Variants in RIMS2 observed in about 807,000 individuals in gnomAD.
The protein encoded by RIMS2 is regulating synaptic membrane exocytosis protein 2.
In RIMS2, 59 loss-of-function variants were observed where a neutral mutation model predicts 174.4. The observed-to-expected ratio is 0.34, with a 90% CI of 0.27 to 0.42. The LOEUF is 0.42. Ranked by LOEUF, RIMS2 falls within the 10% of genes least tolerant of loss-of-function variation. The probability of loss-of-function intolerance (pLI) is 1.00; values close to 1 mark genes in which losing one functional copy is unlikely to be tolerated. For missense variants in RIMS2, 1,620 were observed against 1,666.3 expected (o/e 0.97, Z 0.48); for synonymous variants, 606 against 572.5 (o/e 1.06, Z -0.84).
exon 14 of RIMS2, chr8:103,942,789 A>G (rs1443604815): frequency 6.2e-7 from 1 of 1,611,926 alleles, no homozygotes; most frequent in African/African-American, 1.3e-5. Context: ...ATTGAATTAG[A>G]AACAGCATTA....
At chr8:103,819,344 A>G (rs1030134036) in intron 3 of RIMS2, 3 of 1,491,118 alleles carry the variant, frequency 2.0e-6, no homozygotes, top group African/African-American at 1.4e-5. Flanking sequence ...TAATGACTGT[A>G]CAATTAACTA....
chr8:103,522,976 G>A (rs1384272722), intron 1 of RIMS2, among the ~76,000 whole-genome samples: 1 of 152,012 alleles, frequency 6.6e-6, no homozygotes, highest in Admixed American at 6.6e-5. Flanking sequence ...GAAATGAAGG[G>A]GTACAATGAC....
chr8:104,078,246 T>C (rs564031535), intron 19 of RIMS2, among the ~76,000 whole-genome samples: 1 of 152,340 alleles, frequency 6.6e-6, no homozygotes, highest in African/African-American at 2.4e-5. Context: ...ATCTTCGATT[T>C]TAAAAGTTTC....
intron 19 of RIMS2, among the ~76,000 whole-genome samples, chr8:104,128,121 G>T (rs995988306): frequency 6.6e-6 from 1 of 152,170 alleles, no homozygotes; most frequent in African/African-American, 2.4e-5. Flanking sequence ...CTAATTAATT[G>T]TACCTAGGGA....
rs148052716 is a variant in RIMS2 at position 103,554,566 on chromosome 8, A to T, written c.176+53504A>T. Among the ~76,000 whole-genome samples the T allele has an allele frequency of 1.8e-4, 27 of 152,336 alleles. 1 individual carries two copies. The South Asian group carries it at 5.4e-3, about 30-fold the overall frequency. On this transcript the variant is annotated intron_variant, in intron 1 of 23. Transcript: ENST00000504942. ...CTGGTTAGGTTGTGTAGAAAAGGGA[A>T]CACTTATGCACTGTTGCTGGTCATG... is the stretch of plus-strand genomic sequence containing the variant.
chr8:103,939,707 A>G (rs762288982), intron 13 of RIMS2, among the ~76,000 whole-genome samples: 11 of 152,144 alleles, frequency 7.2e-5, no homozygotes, highest in Non-Finnish European at 1.5e-4. Flanking sequence ...TGCTTCCCTT[A>G]TAAAACTAAA....
intron 3 of RIMS2, among the ~76,000 whole-genome samples, chr8:103,817,195 A>G (rs2098723242): frequency 6.6e-6 from 1 of 152,150 alleles, no homozygotes; most frequent in Non-Finnish European, 1.5e-5. Flanking sequence ...GGTAAATGGA[A>G]GAAGCCCATT....
At chr8:103,615,975 T>G (rs1287487617) in intron 1 of RIMS2, among the ~76,000 whole-genome samples, 2 of 152,098 alleles carry the variant, frequency 1.3e-5, no homozygotes, top group Non-Finnish European at 2.9e-5. Context: ...CTACAGAAAC[T>G]ATTTGAAAAA....
intron 4 of RIMS2, among the ~76,000 whole-genome samples, chr8:103,908,490 G>A (rs2074986127): frequency 6.6e-6 from 1 of 152,032 alleles, no homozygotes; most frequent in African/African-American, 2.4e-5. Context: ...GAATCCTATA[G>A]TCAATGGCAT....
chr8:103,908,233 G>A (rs1425865240), intron 4 of RIMS2, among the ~76,000 whole-genome samples: 1 of 151,766 alleles, frequency 6.6e-6, no homozygotes, highest in African/African-American at 2.4e-5. Context: ...AGTAGAGATG[G>A]GACTTTACCA....
At chr8:104,180,557 C>A (rs1255470537) in intron 19 of RIMS2, among the ~76,000 whole-genome samples, 2 of 151,576 alleles carry the variant, frequency 1.3e-5, no homozygotes, top group African/African-American at 4.8e-5. Context: ...GGAGAAGAAG[C>A]AATTTTTTCC....
At chr8:103,698,970 T>G (rs550166079) in intron 2 of RIMS2, among the ~76,000 whole-genome samples, 3 of 152,146 alleles carry the variant, frequency 2.0e-5, no homozygotes, top group African/African-American at 7.2e-5. Context: ...AGTGAAGCCA[T>G]GTGGGCATGC....
chr8:104,075,151 T>C (rs1023231584), intron 19 of RIMS2, among the ~76,000 whole-genome samples: 2 of 152,190 alleles, frequency 1.3e-5, no homozygotes, highest in African/African-American at 4.8e-5. Context: ...GCTTTGTGCC[T>C]GCTACAGGAA....
intron 14 of RIMS2, 124 bp downstream of exon 16, chr8:103,943,050 C>A: frequency 1.4e-6 from 1 of 691,200 alleles, no homozygotes; most frequent in Non-Finnish European, 2.3e-6. Flanking sequence ...GTTTCCATAG[C>A]TATGAATTGT....
At chr8:103,803,776 G>T (rs1208168583) in intron 3 of RIMS2, among the ~76,000 whole-genome samples, 1 of 152,204 alleles carries the variant, frequency 6.6e-6, no homozygotes, top group African/African-American at 2.4e-5. Flanking sequence ...AGAGAGCCAT[G>T]TGTCAGGGAT....
chr8:104,042,997 C>T (rs568459579), intron 19 of RIMS2, among the ~76,000 whole-genome samples: 17 of 151,494 alleles, frequency 1.1e-4, no homozygotes, highest in South Asian at 2.1e-4. Context: ...TGATTAAAGA[C>T]GGATATTCAT....
intron 19 of RIMS2, among the ~76,000 whole-genome samples, chr8:104,168,748 A>G (rs1048997434): frequency 6.6e-6 from 1 of 152,050 alleles, no homozygotes; most frequent in Non-Finnish European, 1.5e-5. Context: ...AATGCTTTCA[A>G]CTTTTCCACG....
intron 1 of RIMS2, among the ~76,000 whole-genome samples, chr8:103,638,777 CAG>C (rs1192525338): frequency 6.6e-6 from 1 of 151,924 alleles, no homozygotes; most frequent in East Asian, 1.9e-4. Flanking sequence ...ATCTTTGTAC[CAG>C]ATGGGCTCAC....
chr8:103,565,545 A>G (rs1416772065), intron 1 of RIMS2, among the ~76,000 whole-genome samples: 2 of 152,154 alleles, frequency 1.3e-5, no homozygotes, highest in Admixed American at 6.6e-5. Flanking sequence ...AGTTCAAGCA[A>G]TCTGCCCACC....
Sources: allele counts gnomAD v4.1 joint callset (sites outside exome capture counted in the v4.1 genomes callset), GRCh38; gene constraint gnomAD v4.1.1; transcripts MANE v1.5; gene names NCBI Gene and HGNC (gene_info 2026-07-23, HGNC 2026-07-21).